The following ACP3 variants were observed in gnomAD, a reference collection of about 807,000 sequenced individuals.
ACP3 encodes acid phosphatase 3, also known as prostatic acid phosphatase.
ACP3 carries 38 observed loss-of-function variants against 45.6 expected under a neutral mutation model. The ratio of observed to expected loss-of-function variants is 0.83; its 90% CI spans 0.64 to 1.09. The LOEUF (loss-of-function observed/expected upper bound fraction) is 1.09, where lower values mean the gene tolerates loss of function less well. ACP3 is among the 50% of genes least tolerant of loss of function. The pLI, the probability that ACP3 is intolerant of heterozygous loss-of-function variation, is 0.00. For synonymous variants in ACP3, 162 were observed against 164.7 expected, an observed-to-expected ratio of 0.98 and a Z score of 0.13; for missense variants, 466 against 463.2, an observed-to-expected ratio of 1.01 and a Z score of -0.05.
At chr3:132,339,661 C>T (rs1421234344) in intron 5 of ACP3, among the ~76,000 whole-genome samples, 1 of 152,230 alleles carries the variant, frequency 6.6e-6, no homozygotes, top group East Asian at 1.9e-4. Flanking sequence ...GGTCAAGGAG[C>T]TTGCCTGCCT....
intron 9 of ACP3, among the ~76,000 whole-genome samples, chr3:132,355,562 G>C (rs1272320272): frequency 2.0e-5 from 3 of 151,146 alleles, no homozygotes; most frequent in Non-Finnish European, 4.4e-5. Flanking sequence ...CTGTTGCCCA[G>C]GCTAGAGTGT....
rs753216319 is a variant in ACP3, at chr3:132,345,045, C to G, written c.767C>G (p.Ser256Cys). The G allele has an allele frequency of 6.2e-7, 1 of 1,613,138 alleles. No homozygotes were observed. Among genetic ancestry groups the G allele is most frequent in the African/African-American group, 1.3e-5 (1 of 74,848 alleles). ...LYGIHKQKEKSRLQGGVLVNE... is the reference protein window; with the variant it reads ...LYGIHKQKEKCRLQGGVLVNE... ...GGAATTCACAAGCAGAAAGAGAAAT[C>G]TAGGCTCCAAGGGGGTAAGTATTAA... is the stretch of plus-strand genomic sequence containing the variant. Residue 256 changes from serine (S) to cysteine (C), a missense_variant, in exon 7 of 10, where the codon TCT becomes TGT. By Grantham distance (112) the Ser-to-Cys change is moderately radical. Coordinates refer to ENST00000336375, the MANE Select transcript of ACP3 (RefSeq NM_001099.5).
intron 7 of ACP3, among the ~76,000 whole-genome samples, chr3:132,348,667 A>T (rs1445637322): frequency 4.6e-5 from 7 of 152,262 alleles, no homozygotes; most frequent in Non-Finnish European, 7.4e-5. Flanking sequence ...AAAGTCCCTA[A>T]TGCATTCCAC....
intron 7 of ACP3, among the ~76,000 whole-genome samples, chr3:132,347,872 C>CACACA (rs781155077): frequency 6.7e-6 from 1 of 149,980 alleles, no homozygotes; most frequent in South Asian, 2.1e-4. Context: ...CACACACACA[C>CACACA]CAAAAAAATC....
intron 9 of ACP3, 113 bp downstream of exon 9, chr3:132,352,936 G>T: frequency 1.4e-6 from 1 of 729,192 alleles, no homozygotes; most frequent in Non-Finnish European, 2.4e-6. Context: ...TTTATATTCA[G>T]AGGGAAGAAT....
intron 6 of ACP3, 42 bp from the exon 7 acceptor site, chr3:132,344,885 T>A: frequency 1.2e-6 from 2 of 1,606,552 alleles, no homozygotes; most frequent in Non-Finnish European, 1.7e-6. Context: ...AGGACAGTCA[T>A]ATAAATACAC....
intron 9 of ACP3, among the ~76,000 whole-genome samples, chr3:132,353,829 G>T (rs1311338661): frequency 6.6e-6 from 1 of 152,148 alleles, no homozygotes; most frequent in African/African-American, 2.4e-5. Flanking sequence ...GTAGCTTTCT[G>T]GCCCCTGAAT....
intron 2 of ACP3, among the ~76,000 whole-genome samples, chr3:132,329,909 G>C (rs1169090622): frequency 6.7e-6 from 1 of 149,480 alleles, no homozygotes; most frequent in Non-Finnish European, 1.5e-5. Flanking sequence ...CCCTTGTCTA[G>C]GTACTTTTTT....
chr3:132,334,077 T>C (rs1034771689), intron 4 of ACP3, among the ~76,000 whole-genome samples: 1 of 151,964 alleles, frequency 6.6e-6, no homozygotes, highest in African/African-American at 2.4e-5. Context: ...GTCTCAAAAA[T>C]AAATAAAAAA....
intron 8 of ACP3, among the ~76,000 whole-genome samples, chr3:132,351,437 A>T (rs920204552): frequency 1.3e-5 from 2 of 152,218 alleles, no homozygotes; most frequent in African/African-American, 4.8e-5. Context: ...CCTTTCACTC[A>T]CATCTCCATG....
chr3:132,340,902 G>C (rs765309261), intron 5 of ACP3, among the ~76,000 whole-genome samples: 13 of 152,004 alleles, frequency 8.6e-5, no homozygotes, highest in Admixed American at 3.9e-4. Context: ...AGTTCCAAAA[G>C]TATTTTTTAA....
chr3:132,356,811 C>T lies in ACP3; in HGVS notation c.1094C>T (p.Pro365Leu). 7 of 1,614,174 alleles carry T rather than the reference C, an allele frequency of 4.3e-6. No individual in the cohort carries two copies. Among genetic ancestry groups the T allele is most frequent in the Non-Finnish European group, 5.9e-6 (7 of 1,180,036 alleles). Residue 365 changes from proline to leucine, a missense_variant, in exon 10 of 10, where the codon CCT becomes CTT. Physicochemically the swap from Pro to Leu is moderately conservative, Grantham distance 98. Transcript: ENST00000336375. ...RFAELVGPVI[P>L]QDWSTECMTT... Reference sequence around the variant, plus strand: ...GCTGAGCTGGTTGGCCCTGTGATCCCTCAAGACTGGTCCACGGAGTGTATG... The same window carrying T: ...GCTGAGCTGGTTGGCCCTGTGATCCTTCAAGACTGGTCCACGGAGTGTATG...
chr3:132,347,871 A>ACACACACC (rs766142673), intron 7 of ACP3, among the ~76,000 whole-genome samples: 2 of 151,094 alleles, frequency 1.3e-5, no homozygotes, highest in Admixed American at 6.6e-5. Context: ...ACACACACAC[A>ACACACACC]CCAAAAAAAT....
intron 1 of ACP3, among the ~76,000 whole-genome samples, chr3:132,327,593 T>C (rs1576409758): frequency 6.9e-6 from 1 of 145,442 alleles, no homozygotes; most frequent in Non-Finnish European, 1.5e-5. Flanking sequence ...CCGAGGCAAG[T>C]GGACCACCTG....
At chr3:132,343,727 G>A (rs1204079381) in intron 6 of ACP3, among the ~76,000 whole-genome samples, 1 of 152,048 alleles carries the variant, frequency 6.6e-6, no homozygotes, top group Non-Finnish European at 1.5e-5. Flanking sequence ...TCTTCCTAAC[G>A]GGTAATAAAT....
In ACP3 at chr3:132,340,687, T is replaced by G. The variant is rs1387680153; in HGVS notation, c.556-1865T>G. Among the ~76,000 whole-genome samples, 3 of 152,214 alleles carry G rather than the reference T, an allele frequency of 2.0e-5. No homozygotes were observed. The East Asian group carries it at 5.8e-4, about 29-fold the overall frequency. On this transcript the variant is annotated intron_variant, in intron 5 of 9. Transcript: ENST00000336375. ...TTTTTTTCCTACTTATTGAAGCTATTATATATTAAAATTCCCATAGGTGTG... is the reference window on the plus strand; with the variant it reads ...TTTTTTTCCTACTTATTGAAGCTATGATATATTAAAATTCCCATAGGTGTG...
At chr3:132,319,823 G>A (rs1937172432) in intron 1 of ACP3, among the ~76,000 whole-genome samples, 1 of 152,124 alleles carries the variant, frequency 6.6e-6, no homozygotes, top group Non-Finnish European at 1.5e-5. Flanking sequence ...GCTAGTCTGA[G>A]ATCCCCCTGT....
chr3:132,353,715 G>C (rs1171962734), intron 9 of ACP3, among the ~76,000 whole-genome samples: 1 of 152,208 alleles, frequency 6.6e-6, no homozygotes, highest in African/African-American at 2.4e-5. Flanking sequence ...TGGCTCAAAA[G>C]AGCCCATGCT....
At chr3:132,343,970 C>A (rs1206637709) in intron 6 of ACP3, among the ~76,000 whole-genome samples, 1 of 152,046 alleles carries the variant, frequency 6.6e-6, no homozygotes, top group South Asian at 2.1e-4. Flanking sequence ...CCTACCTCTA[C>A]AAAACACTTT....
Sources: gnomAD v4.1 joint callset for allele counts (sites outside exome capture counted in the v4.1 genomes callset) on GRCh38, gnomAD v4.1.1 for gene constraint, MANE v1.5 for transcripts, NCBI Gene and HGNC (gene_info 2026-07-23, HGNC 2026-07-21) for gene names.